Variants in CCBE1 observed in about 807,000 individuals in gnomAD.
CCBE1 encodes collagen and calcium-binding EGF domain-containing protein 1.
Under a neutral mutation model 50.0 loss-of-function variants are expected in CCBE1, and 37 were observed. That is an observed-to-expected ratio of 0.74 (90% CI 0.57 to 0.97). CCBE1 has a LOEUF of 0.97. Ranked by LOEUF, CCBE1 falls within the 50% of genes least tolerant of loss-of-function variation. The pLI is 0.00. For synonymous variants in CCBE1, 234 were observed against 203.7 expected, an observed-to-expected ratio of 1.15 and a Z score of -1.27; for missense variants, 538 against 523.8, an observed-to-expected ratio of 1.03 and a Z score of -0.26.
At chr18:59,460,111 G>A (rs1414514339) in intron 5 of CCBE1, among the ~76,000 whole-genome samples, 7 of 152,140 alleles carry the variant, frequency 4.6e-5, no homozygotes, top group Non-Finnish European at 7.4e-5. Flanking sequence ...AACTGGCTCC[G>A]GCTACATATT....
chr18:59,625,170 A>G (rs2053764054), intron 2 of CCBE1, among the ~76,000 whole-genome samples: 2 of 152,178 alleles, frequency 1.3e-5, no homozygotes, highest in South Asian at 4.1e-4. Flanking sequence ...GGTGGCTCCC[A>G]CCTGTAATCC....
chr18:59,449,637 A>C (rs1370014222), intron 6 of CCBE1, among the ~76,000 whole-genome samples: 1 of 148,522 alleles, frequency 6.7e-6, no homozygotes, highest in Non-Finnish European at 1.5e-5. Flanking sequence ...AAAAAAAAAA[A>C]AAAAGAAATG....
chr18:59,557,340 T>G (rs1302281548), intron 2 of CCBE1, among the ~76,000 whole-genome samples: 1 of 152,092 alleles, frequency 6.6e-6, no homozygotes, highest in Non-Finnish European at 1.5e-5. Flanking sequence ...CACAACTGCA[T>G]GAGCATCCCT....
chr18:59,514,677 A>C (rs1301752633), intron 2 of CCBE1, among the ~76,000 whole-genome samples: 1 of 144,386 alleles, frequency 6.9e-6, no homozygotes, highest in Admixed American at 7.1e-5. Context: ...CTACAATTCT[A>C]ATCTAAGCGG....
chr18:59,564,637 G>C (rs2144463767), intron 2 of CCBE1, among the ~76,000 whole-genome samples: 1 of 152,318 alleles, frequency 6.6e-6, no homozygotes, highest in South Asian at 2.1e-4. Context: ...AAGTCTTTGG[G>C]ATTCGTGTGA....
At chr18:59,466,943 A>G in intron 4 of CCBE1, 52 bp from the exon 5 acceptor site, 2 of 1,489,326 alleles carry the variant, frequency 1.3e-6, no homozygotes, top group Non-Finnish European at 1.9e-6. Flanking sequence ...TTCACTTCTA[A>G]TACAACAGAT....
chr18:59,506,850 A>G (rs1273505133), intron 2 of CCBE1, among the ~76,000 whole-genome samples: 1 of 152,228 alleles, frequency 6.6e-6, no homozygotes, highest in South Asian at 2.1e-4. Flanking sequence ...GAAAGTATCA[A>G]CCTAAATTTT....
chr18:59,476,361 C>A (rs564976833), intron 3 of CCBE1, among the ~76,000 whole-genome samples: 1 of 152,148 alleles, frequency 6.6e-6, no homozygotes, highest in Admixed American at 6.5e-5. Flanking sequence ...TGCTCCCTTC[C>A]CACAGTTTAT....
chr18:59,502,827 C>T (rs910753026), intron 2 of CCBE1, among the ~76,000 whole-genome samples: 2 of 152,218 alleles, frequency 1.3e-5, no homozygotes, highest in Non-Finnish European at 1.5e-5. Context: ...TTAAATCAAA[C>T]AGTCCTCACT....
intron 2 of CCBE1, among the ~76,000 whole-genome samples, chr18:59,531,065 G>T (rs992590634): frequency 6.6e-6 from 1 of 152,134 alleles, no homozygotes; most frequent in Admixed American, 6.5e-5. Context: ...CAAAAACTCA[G>T]TTGGAGCATC....
intron 2 of CCBE1, among the ~76,000 whole-genome samples, chr18:59,662,126 G>A (rs866649342): frequency 2.0e-4 from 31 of 152,242 alleles, no homozygotes; most frequent in African/African-American, 6.7e-4. Context: ...TGCTCTTGGG[G>A]GCCATTTTAA....
chr18:59,486,188 A>G (rs1460933739), intron 2 of CCBE1, among the ~76,000 whole-genome samples: 1 of 152,216 alleles, frequency 6.6e-6, no homozygotes, highest in Non-Finnish European at 1.5e-5. Flanking sequence ...AGTATTACAG[A>G]TAATATAAGA....
At chr18:59,449,617 ACT>A (rs1231498562) in intron 6 of CCBE1, among the ~76,000 whole-genome samples, 5 of 102,766 alleles carry the variant, frequency 4.9e-5, no homozygotes, top group Admixed American at 1.1e-4. Flanking sequence ...ACAGAGTGAG[ACT>A]CTGTCCAAAA....
At chr18:59,630,291 T>G (rs1210928505) in intron 2 of CCBE1, among the ~76,000 whole-genome samples, 1 of 152,194 alleles carries the variant, frequency 6.6e-6, no homozygotes, top group Non-Finnish European at 1.5e-5. Flanking sequence ...AAAAAGTCAT[T>G]TAATCTTCCT....
chr18:59,666,693 G>A (rs938041958), intron 2 of CCBE1, among the ~76,000 whole-genome samples: 28 of 152,144 alleles, frequency 1.8e-4, no homozygotes, highest in Admixed American at 1.5e-3. Context: ...GAGACTGGGC[G>A]TGGTGGCTCA....
rs374122798 is a variant in CCBE1, at chr18:59,547,903, C to G, written c.213-67665G>C. Among the ~76,000 whole-genome samples, 10 of 152,324 alleles carry G rather than the reference C, an allele frequency of 6.6e-5. No homozygotes were observed. In the East Asian group the frequency reaches 1.9e-3, roughly 29 times the overall value. On this transcript the variant is annotated intron_variant, in intron 2 of 10. Transcript: ENST00000439986. ...ATCCTGTTCTCACAGGAAAGTGCAA[C>G]CTGACCGAAATAAGAACACACGGGC...
intron 2 of CCBE1, among the ~76,000 whole-genome samples, chr18:59,488,946 C>T (rs1292217299): frequency 1.3e-5 from 2 of 152,156 alleles, no homozygotes; most frequent in Admixed American, 6.5e-5. Context: ...GGAGCCCCTG[C>T]TATAGTCTAA....
At chr18:59,503,833 C>G (rs1913741353) in intron 2 of CCBE1, among the ~76,000 whole-genome samples, 2 of 152,174 alleles carry the variant, frequency 1.3e-5, no homozygotes. Context: ...AGTCACATAC[C>G]AAATGTCTAC....
chr18:59,645,558 GAA>G (rs1568251314), intron 2 of CCBE1, among the ~76,000 whole-genome samples: 1 of 152,152 alleles, frequency 6.6e-6, no homozygotes, highest in African/African-American at 2.4e-5. Flanking sequence ...TCTCAGCCAT[GAA>G]AAGAGAAACC....
Sources: gnomAD v4.1 joint callset for allele counts (sites outside exome capture counted in the v4.1 genomes callset) on GRCh38, gnomAD v4.1.1 for gene constraint, MANE v1.5 for transcripts, NCBI Gene and HGNC (gene_info 2026-07-23, HGNC 2026-07-21) for gene names.